Variants in ROBO2 observed in about 807,000 individuals in gnomAD.
ROBO2 encodes the protein roundabout guidance receptor 2, also known as roundabout homolog 2.
A neutral mutation model predicts 160.8 loss-of-function variants in ROBO2; 53 were observed. The ratio of observed to expected loss-of-function variants is 0.33; its 90% CI spans 0.26 to 0.41. The LOEUF (loss-of-function observed/expected upper bound fraction) is 0.41, where lower values mean the gene tolerates loss of function less well. Among genes scored for constraint, ROBO2 ranks in the 10% least tolerant of loss-of-function variants. ROBO2 has a pLI of 1.00. For synonymous variants in ROBO2, 664 were observed against 611.7 expected (o/e 1.09, Z -1.26); for missense variants, 1,577 against 1,722.4 (o/e 0.92, Z 1.49).
intron 15 of ROBO2, among the ~76,000 whole-genome samples, chr3:77,579,560 TAAAAC>T (rs1269279311): frequency 1.3e-5 from 2 of 152,258 alleles, no homozygotes; most frequent in East Asian, 3.9e-4. Context: ...TCTTGATAAA[TAAAAC>T]AGAGGAAATT....
At chr3:76,056,110 AAAAC>A (rs1402910476) in intron 2 of ROBO2, among the ~76,000 whole-genome samples, 1 of 152,258 alleles carries the variant, frequency 6.6e-6, no homozygotes, top group African/African-American at 2.4e-5. Context: ...ATACAAATGA[AAAAC>A]AATACAGTAT....
chr3:76,084,834 T>A (rs1283155846), intron 2 of ROBO2, among the ~76,000 whole-genome samples: 3 of 152,156 alleles, frequency 2.0e-5, no homozygotes, highest in African/African-American at 7.2e-5. Flanking sequence ...CTCTATGGAC[T>A]CATCCAATCC....
At chr3:75,934,228 C>T (rs1172978827) in intron 1 of ROBO2, among the ~76,000 whole-genome samples, 1 of 152,270 alleles carries the variant, frequency 6.6e-6, no homozygotes, top group South Asian at 2.1e-4. Flanking sequence ...CACTGCATAT[C>T]CAATCTGTTT....
chr3:76,505,115 A>G (rs892298978), intron 2 of ROBO2, among the ~76,000 whole-genome samples: 1 of 152,230 alleles, frequency 6.6e-6, no homozygotes, highest in Non-Finnish European at 1.5e-5. Context: ...GTATCAATAT[A>G]AAGTTGAGAA....
intron 2 of ROBO2, among the ~76,000 whole-genome samples, chr3:76,111,868 G>T (rs1238570083): frequency 6.6e-6 from 1 of 151,978 alleles, no homozygotes; most frequent in African/African-American, 2.4e-5. Context: ...ATGTATAAAT[G>T]ATCTGTTAAA....
At chr3:77,301,349 C>A (rs1006393795) in intron 2 of ROBO2, among the ~76,000 whole-genome samples, 1 of 151,700 alleles carries the variant, frequency 6.6e-6, no homozygotes, top group South Asian at 2.1e-4. Flanking sequence ...CAGTTCCCAC[C>A]ATAGCTGATA....
At chr3:76,751,259 C>T (rs1024474883) in intron 2 of ROBO2, among the ~76,000 whole-genome samples, 4 of 151,714 alleles carry the variant, frequency 2.6e-5, no homozygotes, top group African/African-American at 9.7e-5. Context: ...AAAGCTGAAA[C>T]CTGAAACTGG....
intron 2 of ROBO2, among the ~76,000 whole-genome samples, chr3:76,970,360 A>G (rs779945139): frequency 3.9e-5 from 6 of 152,226 alleles, no homozygotes; most frequent in Admixed American, 2.0e-4. Context: ...ATTTAAAGAA[A>G]GAAAATTACC....
At chr3:77,417,924 T>C (rs2077391773) in intron 2 of ROBO2, among the ~76,000 whole-genome samples, 2 of 151,588 alleles carry the variant, frequency 1.3e-5, no homozygotes, top group South Asian at 2.1e-4. Context: ...TCATGTTACA[T>C]ATTTTTTAAA....
At chr3:76,286,381 G>C (rs1161266325) in intron 2 of ROBO2, among the ~76,000 whole-genome samples, 3 of 152,202 alleles carry the variant, frequency 2.0e-5, no homozygotes, top group African/African-American at 7.2e-5. Context: ...CAAAACTCTT[G>C]TGGGAAACTG....
chr3:76,046,705 G>A (rs1433130806), intron 2 of ROBO2, among the ~76,000 whole-genome samples: 1 of 151,980 alleles, frequency 6.6e-6, no homozygotes, highest in Non-Finnish European at 1.5e-5. Context: ...CAACACAGTC[G>A]CTTCTTACTG....
At chr3:76,644,808 A>G (rs1193872451) in intron 2 of ROBO2, among the ~76,000 whole-genome samples, 1 of 152,202 alleles carries the variant, frequency 6.6e-6, no homozygotes, top group African/African-American at 2.4e-5. Context: ...GGAGATGCTG[A>G]GGCAGTTAAT....
intron 5 of ROBO2, among the ~76,000 whole-genome samples, chr3:77,505,963 A>AATAT (rs1437006015): frequency 6.6e-6 from 1 of 152,186 alleles, no homozygotes; most frequent in Admixed American, 6.6e-5. Context: ...GTGGCTACAC[A>AATAT]ATATTTTTAA....
intron 2 of ROBO2, among the ~76,000 whole-genome samples, chr3:76,998,294 G>A (rs1578150297): frequency 6.6e-6 from 1 of 152,060 alleles, no homozygotes; most frequent in Non-Finnish European, 1.5e-5. Context: ...TACTGAAGAT[G>A]AGAAGAACAT....
intron 2 of ROBO2, among the ~76,000 whole-genome samples, chr3:77,143,187 T>C (rs2076850633): frequency 7.5e-6 from 1 of 133,260 alleles, no homozygotes; most frequent in Non-Finnish European, 1.6e-5. Context: ...TTTTTTTTTT[T>C]TTTTTTTTTT....
intron 2 of ROBO2, among the ~76,000 whole-genome samples, chr3:76,085,033 A>G (rs1190758824): frequency 6.6e-6 from 1 of 151,842 alleles, no homozygotes; most frequent in African/African-American, 2.4e-5. Context: ...GGAAATGCTG[A>G]CTATTCTTGT....
At chr3:76,209,391 C>T (rs1012446960) in intron 2 of ROBO2, among the ~76,000 whole-genome samples, 1 of 152,066 alleles carries the variant, frequency 6.6e-6, no homozygotes, top group East Asian at 1.9e-4. Flanking sequence ...TTTATTTTAA[C>T]TATTTTTGAA....
intron 2 of ROBO2, among the ~76,000 whole-genome samples, chr3:76,639,783 A>AC: frequency 6.6e-6 from 1 of 152,282 alleles, no homozygotes; most frequent in East Asian, 1.9e-4. Flanking sequence ...TTTGTCCACT[A>AC]CCACACCACA....
intron 2 of ROBO2, among the ~76,000 whole-genome samples, chr3:77,181,239 T>C (rs1161513077): frequency 6.6e-6 from 1 of 152,104 alleles, no homozygotes; most frequent in African/African-American, 2.4e-5. Flanking sequence ...GAATCCACAC[T>C]AAACTCCTGT....
Sources: gnomAD v4.1 joint callset for allele counts (sites outside exome capture counted in the v4.1 genomes callset) on GRCh38, gnomAD v4.1.1 for gene constraint, MANE v1.5 for transcripts, NCBI Gene and HGNC (gene_info 2026-07-23, HGNC 2026-07-21) for gene names.